COL1A2: variants seen among roughly 807,000 people sequenced by gnomAD.
The protein encoded by COL1A2 is collagen alpha-2(I) chain.
Under a neutral mutation model 174.3 loss-of-function variants are expected in COL1A2, and 49 were observed. The observed-to-expected ratio is 0.28, with a 90% CI of 0.22 to 0.36. The LOEUF (loss-of-function observed/expected upper bound fraction) is 0.36, where lower values mean the gene tolerates loss of function less well. Among genes scored for constraint, COL1A2 ranks in the 10% least tolerant of loss-of-function variants. The pLI is 1.00. For missense variants in COL1A2, 1,438 were observed against 1,822.7 expected (o/e 0.79, Z 3.84); for synonymous variants, 655 against 606.6 (o/e 1.08, Z -1.17).
chr7:94,427,489 T>A, intron 48 of COL1A2, 138 bp from the exon 49 acceptor site: 1 of 1,185,552 alleles, frequency 8.4e-7, no homozygotes, highest in Non-Finnish European at 1.2e-6. Flanking sequence ...GGGCTCGTTA[T>A]TTATTTATGT....
At chr7:94,424,625 C>G (rs1323620641) in intron 41 of COL1A2, 182 bp downstream of exon 41, 1 of 605,728 alleles carries the variant, frequency 1.7e-6, no homozygotes. Context: ...CTTAGACACA[C>G]ACTATAAAGA....
intron 13 of COL1A2, 73 bp from the exon 14 acceptor site, chr7:94,408,110 A>G (rs1027072681): frequency 1.3e-6 from 2 of 1,523,572 alleles, no homozygotes; most frequent in Non-Finnish European, 1.8e-6. Context: ...TGGAAACTGA[A>G]CAAAGCAAAT....
At chr7:94,408,152 T>C in intron 13 of COL1A2, 31 bp from the exon 14 acceptor site, 1 of 1,611,140 alleles carries the variant, frequency 6.2e-7, no homozygotes, top group East Asian at 2.2e-5. Context: ...ATTAGCATTC[T>C]GGATTTTATT....
rs1792270633 is a variant in COL1A2, at chr7:94,426,036, C to T, written c.2982C>T (p.Gly994=). 1 of 1,613,968 alleles carries T rather than the reference C, an allele frequency of 6.2e-7. No homozygotes were observed. The highest frequency in any genetic ancestry group is 8.5e-7 in the Non-Finnish European group (1 of 1,179,926). The part of the protein sequence containing the change: ...SGPVGPAGAV[G]PRGPSGPQGI... ...CTGTTGGTCCTGCTGGTGCTGTTGG[C>T]CCAAGAGGTCCTAGTGTATGTACAT... Residue 994 remains glycine (G), a synonymous_variant, in exon 45 of 52, where the codon GGC becomes GGT. Transcript: ENST00000297268.
intron 10 of COL1A2, 41 bp downstream of exon 10, chr7:94,405,293 GC>G: frequency 6.3e-7 from 1 of 1,578,764 alleles, no homozygotes; most frequent in Non-Finnish European, 8.7e-7. Context: ...AACATCATAG[GC>G]CTATAAGATA....
In COL1A2 at chr7:94,426,534, A is replaced by C; in HGVS notation, c.3105+4A>C. On this transcript the variant is annotated splice_donor_region_variant and intron_variant, in intron 46 of 51. Transcript: ENST00000297268. The stretch of plus-strand genomic sequence containing the variant: ...GCAAGGTCTGCCTGGTATCGCTGTA[A>C]GTAAACTGTAGCCATCTCGCACATA... The C allele has an allele frequency of 6.3e-7, 1 of 1,590,828 alleles. No individual in the cohort carries two copies. The highest frequency in any genetic ancestry group is 1.2e-5 in the South Asian group (1 of 86,930).
intron 48 of COL1A2, 59 bp downstream of exon 48, chr7:94,427,354 A>G: frequency 1.4e-6 from 2 of 1,468,542 alleles, no homozygotes; most frequent in South Asian, 1.2e-5. Flanking sequence ...TGTTTTCTTC[A>G]GACTAAACCA....
chr7:94,403,855 G>C (rs1354162470), intron 6 of COL1A2, among the ~76,000 whole-genome samples: 1 of 152,216 alleles, frequency 6.6e-6, no homozygotes, highest in East Asian at 1.9e-4. Flanking sequence ...ACTATTAACA[G>C]CCTGTTTTAC....
intron 11 of COL1A2, 104 bp from the exon 12 acceptor site, chr7:94,406,146 C>A: frequency 1.6e-6 from 2 of 1,214,478 alleles, no homozygotes; most frequent in Middle Eastern, 1.9e-4. Context: ...CTGCAGCAGA[C>A]AAGACTTACC....
intron 26 of COL1A2, 106 bp downstream of exon 26, chr7:94,413,242 G>A (rs568219823): frequency 8.8e-7 from 1 of 1,142,584 alleles, no homozygotes; most frequent in South Asian, 1.2e-5. Flanking sequence ...TTTTCAAGAT[G>A]GCATCCCCAG....
intron 29 of COL1A2, 104 bp from the exon 30 acceptor site, chr7:94,415,122 T>C: frequency 1.0e-6 from 1 of 989,540 alleles, no homozygotes; most frequent in Non-Finnish European, 1.6e-6. Context: ...ATGTAGATAC[T>C]GCCAGGTTTA....
rs771033281 is a variant in COL1A2 at position 94,423,136 on chromosome 7, C to A, written c.2565+18C>A. ...GTACTGCTGTAAGTGATTTCCAACT[C>A]CTCTTTCTTAATACCTTATGCTGAA... On this transcript the variant is annotated intron_variant, in intron 40 of 51. Coordinates refer to ENST00000297268, the MANE Select transcript of COL1A2 (RefSeq NM_000089.4). 2 of 1,613,820 alleles carry A rather than the reference C, an allele frequency of 1.2e-6. No individual in the cohort carries two copies. Among genetic ancestry groups the A allele is most frequent in the South Asian group, 1.1e-5 (1 of 91,058 alleles).
chr7:94,424,101 T>A (rs1792225607), intron 40 of COL1A2: 2 of 496,682 alleles, frequency 4.0e-6, no homozygotes, highest in South Asian at 4.4e-5. Context: ...CTCAACCACA[T>A]ATTTTTAAAT....
chr7:94,401,491 T>G, intron 5 of COL1A2, 76 bp from the exon 6 acceptor site: 415 of 587,688 alleles, frequency 7.1e-4, no homozygotes, highest in Non-Finnish European at 9.3e-4. Flanking sequence ...ACAAGTAGAA[T>G]GAGAAAATGA....
Position 94,410,875 on chromosome 7 carries a change from G to A in COL1A2, c.1198-14G>A. 1.2e-6 allele frequency: 2 copies of A among 1,613,220 alleles called. No homozygotes were observed. The highest frequency in any genetic ancestry group is 1.3e-5 in the African/African-American group (1 of 74,968). On this transcript the variant is annotated splice_polypyrimidine_tract_variant and intron_variant, in intron 21 of 51. Transcript: ENST00000297268. ...ATTTCTTTAATTCTCTCTATTTCAT[G>A]TACTTTCTTGCAGGGTAGTCCTGGT...
chr7:94,397,640 T>C, intron 1 of COL1A2, 108 bp from the exon 2 acceptor site: 4 of 638,852 alleles, frequency 6.3e-6, no homozygotes, highest in South Asian at 1.9e-5. Context: ...GGTCCTTAAT[T>C]AGGTAATTCA....
chr7:94,410,366 T>C, intron 20 of COL1A2, 54 bp from the exon 21 acceptor site: 2 of 1,586,720 alleles, frequency 1.3e-6, no homozygotes, highest in Non-Finnish European at 1.7e-6. Context: ...CAGCTGGACA[T>C]AGTATTAAAA....
chr7:94,425,319 C>A, intron 42 of COL1A2, 95 bp downstream of exon 42: 1 of 1,210,872 alleles, frequency 8.3e-7, no homozygotes, highest in Non-Finnish European at 1.2e-6. Flanking sequence ...TTCCAAATTT[C>A]TGAACAAGAT....
At chr7:94,425,058 G>C in intron 41 of COL1A2, 59 bp from the exon 42 acceptor site, 1 of 1,482,508 alleles carries the variant, frequency 6.7e-7, no homozygotes, top group Middle Eastern at 1.7e-4. Context: ...GTTTTGGAGG[G>C]GAAGGTTAGC....
Sources: allele counts gnomAD v4.1 joint callset (sites outside exome capture counted in the v4.1 genomes callset), GRCh38; gene constraint gnomAD v4.1.1; transcripts MANE v1.5; gene names NCBI Gene and HGNC (gene_info 2026-07-23, HGNC 2026-07-21).